FGGY: variants seen among roughly 807,000 people sequenced by gnomAD.
The protein encoded by FGGY is FGGY carbohydrate kinase domain-containing protein.
A neutral mutation model predicts 71.3 loss-of-function variants in FGGY; 72 were observed. The ratio of observed to expected loss-of-function variants is 1.01; its 90% CI spans 0.84 to 1.23. FGGY has a LOEUF of 1.23. Ranked by LOEUF, FGGY falls within the 50% of genes most tolerant of loss-of-function variation. The probability of loss-of-function intolerance (pLI) is 0.00; values close to 1 mark genes in which losing one functional copy is unlikely to be tolerated. For missense variants in FGGY, 668 were observed against 682.3 expected, an observed-to-expected ratio of 0.98 and a Z score of 0.23; for synonymous variants, 251 against 250.3, an observed-to-expected ratio of 1.00 and a Z score of -0.02.
intron 7 of FGGY, among the ~76,000 whole-genome samples, chr1:59,534,385 G>T (rs1256848573): frequency 9.2e-5 from 14 of 152,084 alleles, no homozygotes; most frequent in African/African-American, 3.1e-4. Context: ...GGGGAGAATG[G>T]AACCAAGTTG....
rs747002725 is a variant in FGGY at position 59,660,354 on chromosome 1, TGGCTCCCCAA to T, written c.1296+63_1296+72del. On this transcript the variant is annotated intron_variant, in intron 12 of 15. Coordinates refer to ENST00000303721, the MANE Select transcript of FGGY (RefSeq NM_018291.5). ...GAGCCATCAGTATACTCTAGGCCAC[TGGCTCCCCAA>T]GATACAGCACATGCTTTTGTGACAG... The T allele has an allele frequency of 1.8e-4, 236 of 1,297,854 alleles. 1 individual carries two copies. Among genetic ancestry groups the T allele is most frequent in the Non-Finnish European group, 2.5e-4 (230 of 909,706 alleles). 80.4% of individuals were successfully genotyped at this position (1,297,854 alleles called of 1,614,324 possible).
chr1:59,494,131 C>A (rs2093963122), intron 6 of FGGY, among the ~76,000 whole-genome samples: 1 of 152,128 alleles, frequency 6.6e-6, no homozygotes, highest in African/African-American at 2.4e-5. Context: ...TTCCAGCACT[C>A]TTGAAGGTAG....
At chr1:59,536,692 G>A (rs970000265) in intron 7 of FGGY, among the ~76,000 whole-genome samples, 1 of 152,146 alleles carries the variant, frequency 6.6e-6, no homozygotes, top group Non-Finnish European at 1.5e-5. Context: ...TGCAAGGCTG[G>A]TTCAATATAG....
chr1:59,641,164 C>A (rs2097021881), intron 11 of FGGY: 2 of 683,004 alleles, frequency 2.9e-6, no homozygotes, highest in African/African-American at 1.8e-5. Flanking sequence ...GGGAAGAGAG[C>A]ATGGCATGTG....
At chr1:59,373,341 G>A (rs200366645) in intron 4 of FGGY, among the ~76,000 whole-genome samples, 4,745 of 152,122 alleles carry the variant, frequency 0.031, 99 homozygotes, top group East Asian at 0.058. Context: ...TAGGAATCCA[G>A]CTTACAAGGG....
chr1:59,452,314 T>A (rs2072949069), intron 5 of FGGY, among the ~76,000 whole-genome samples: 1 of 152,174 alleles, frequency 6.6e-6, no homozygotes, highest in Non-Finnish European at 1.5e-5. Context: ...AAGATAAAAT[T>A]CAGATGTCAT....
intron 5 of FGGY, among the ~76,000 whole-genome samples, chr1:59,451,828 GTCTTC>G (rs1256849025): frequency 6.6e-6 from 1 of 152,044 alleles, no homozygotes; most frequent in Non-Finnish European, 1.5e-5. Context: ...TTATTCTAGT[GTCTTC>G]TACATTCCAG....
At chr1:59,415,566 A>G (rs1236560223) in intron 5 of FGGY, among the ~76,000 whole-genome samples, 2 of 152,212 alleles carry the variant, frequency 1.3e-5, no homozygotes, top group African/African-American at 2.4e-5. Flanking sequence ...CGATGTGCCC[A>G]TGGATTCAGG....
chr1:59,497,554 C>A (rs1213026129), intron 6 of FGGY, among the ~76,000 whole-genome samples: 1 of 152,236 alleles, frequency 6.6e-6, no homozygotes, highest in Non-Finnish European at 1.5e-5. Context: ...TGCCACTACA[C>A]TCCAGCCTGG....
At chr1:59,483,043 A>C (rs2093546543) in intron 6 of FGGY, among the ~76,000 whole-genome samples, 1 of 152,148 alleles carries the variant, frequency 6.6e-6, no homozygotes, top group South Asian at 2.1e-4. Context: ...GTTTCCAATA[A>C]GTTCCCAAGT....
At position 59,312,713 on chromosome 1, in the gene FGGY, C is replaced by T. The variant is rs76413070; in HGVS notation, c.-14-8823C>T. ...CCTGTTCTGTGCATTTGGCTTCAGC[C>T]AAGTTTGGGTTTTATGTTTCCCTTG... On this transcript the variant is annotated intron_variant, in intron 1 of 15. Coordinates refer to ENST00000303721, the MANE Select transcript of FGGY (RefSeq NM_018291.5). Among the ~76,000 whole-genome samples the T allele has an allele frequency of 8.5e-3, 1,292 of 152,222 alleles. 15 individuals are homozygous for T. Among genetic ancestry groups the T allele is most frequent in the African/African-American group, 0.029 (1,216 of 41,524 alleles).
intron 8 of FGGY, among the ~76,000 whole-genome samples, chr1:59,594,408 A>G (rs952816722): frequency 2.6e-5 from 4 of 152,238 alleles, no homozygotes; most frequent in African/African-American, 9.6e-5. Flanking sequence ...AATATCCGGT[A>G]AGGTGAATAT....
chr1:59,452,473 T>C (rs2153502839), intron 5 of FGGY, among the ~76,000 whole-genome samples: 1 of 152,346 alleles, frequency 6.6e-6, no homozygotes, highest in African/African-American at 2.4e-5. Flanking sequence ...TGATTTCTCA[T>C]TGTTTTCATC....
At chr1:59,762,302 A>G (rs529972263) in intron 15 of FGGY, among the ~76,000 whole-genome samples, 1 of 152,262 alleles carries the variant, frequency 6.6e-6, no homozygotes, top group South Asian at 2.1e-4. Flanking sequence ...TTATTTCTAA[A>G]TTGGAGATAA....
At chr1:59,591,685 G>C (rs2096442608) in intron 8 of FGGY, among the ~76,000 whole-genome samples, 1 of 152,134 alleles carries the variant, frequency 6.6e-6, no homozygotes, top group Non-Finnish European at 1.5e-5. Context: ...ACAAGCAATG[G>C]GGAAAGGATT....
At chr1:59,567,438 C>T (rs2095892711) in intron 8 of FGGY, among the ~76,000 whole-genome samples, 1 of 152,022 alleles carries the variant, frequency 6.6e-6, no homozygotes, top group Admixed American at 6.6e-5. Context: ...AAGACTAAGC[C>T]ACAATTCTGT....
In FGGY at chr1:59,349,170, C is replaced by T. The variant is rs565655108; in HGVS notation, c.465+2772C>T. On this transcript the variant is annotated intron_variant, in intron 4 of 15. Coordinates refer to ENST00000303721, the MANE Select transcript of FGGY (RefSeq NM_018291.5). ...CAGGTGATAGAGCCAGAATTTAAAT[C>T]CATGTCTGCTGGGCTCCAAATCTCA... Among the ~76,000 whole-genome samples the T allele has an allele frequency of 4.6e-5, 7 of 152,248 alleles. No individual in the cohort carries two copies. In the East Asian group the frequency reaches 1.2e-3, roughly 25 times the overall value.
intron 2 of FGGY, among the ~76,000 whole-genome samples, chr1:59,322,674 C>G (rs2046621274): frequency 6.6e-6 from 1 of 152,164 alleles, no homozygotes; most frequent in Admixed American, 6.5e-5. Context: ...CCATATATGC[C>G]AGGCATATGT....
intron 14 of FGGY, among the ~76,000 whole-genome samples, chr1:59,687,536 G>A (rs1051798448): frequency 6.6e-6 from 1 of 151,298 alleles, no homozygotes; most frequent in African/African-American, 2.4e-5. Flanking sequence ...GCACAATCTC[G>A]GCTCACTGCA....
Sources: allele counts gnomAD v4.1 joint callset (sites outside exome capture counted in the v4.1 genomes callset), GRCh38; gene constraint gnomAD v4.1.1; transcripts MANE v1.5; gene names NCBI Gene and HGNC (gene_info 2026-07-23, HGNC 2026-07-21).